PTPRM: variants seen among roughly 807,000 people sequenced by gnomAD.
PTPRM encodes the protein receptor-type tyrosine-protein phosphatase mu.
In PTPRM, 47 loss-of-function variants were observed where a neutral mutation model predicts 186.7. The ratio of observed to expected loss-of-function variants is 0.25; its 90% CI spans 0.20 to 0.32. The LOEUF (loss-of-function observed/expected upper bound fraction) is 0.32, where lower values mean the gene tolerates loss of function less well. PTPRM is among the 10% of genes least tolerant of loss of function. The probability of loss-of-function intolerance (pLI) is 1.00; values close to 1 mark genes in which losing one functional copy is unlikely to be tolerated. For missense variants in PTPRM, 1,494 were observed against 1,865.0 expected (o/e 0.80, Z 3.66); for synonymous variants, 668 against 674.9 (o/e 0.99, Z 0.16).
At chr18:8,299,650 T>C (rs2095134811) in intron 20 of PTPRM, among the ~76,000 whole-genome samples, 2 of 152,028 alleles carry the variant, frequency 1.3e-5, no homozygotes, top group East Asian at 3.9e-4. Flanking sequence ...GTAGTTACAG[T>C]CTAGTGCAGG....
At chr18:8,033,293 G>A (rs1804158743) in intron 7 of PTPRM, among the ~76,000 whole-genome samples, 1 of 151,562 alleles carries the variant, frequency 6.6e-6, no homozygotes, top group South Asian at 2.1e-4. Context: ...CCAGCTCTAA[G>A]CACAGATGTA....
intron 1 of PTPRM, among the ~76,000 whole-genome samples, chr18:7,591,956 C>CG (rs2037136986): frequency 6.6e-6 from 1 of 152,068 alleles, no homozygotes; most frequent in Non-Finnish European, 1.5e-5. Context: ...CTATGTGTCC[C>CG]GTTGCTTATT....
intron 11 of PTPRM, among the ~76,000 whole-genome samples, chr18:8,092,869 A>C (rs1053275643): frequency 3.9e-5 from 6 of 152,144 alleles, no homozygotes; most frequent in African/African-American, 1.4e-4. Context: ...ATGTGCCTGC[A>C]GTCCCAACCT....
chr18:8,354,888 C>T lies in PTPRM; in HGVS notation c.3054+11368C>T, dbSNP rs565787750. On this transcript the variant is annotated intron_variant, in intron 23 of 32. Coordinates refer to ENST00000580170, the MANE Select transcript of PTPRM (RefSeq NM_001105244.2). ...GTCACAGGAGAGAGATGAAGCAGCA[C>T]CTAGAAGGGAACAGGGTCTAGACAG... is the stretch of plus-strand genomic sequence containing the variant. Among the ~76,000 whole-genome samples, 3 of 152,220 alleles carry T rather than the reference C, an allele frequency of 2.0e-5. No homozygotes were observed. The South Asian group carries it at 6.2e-4, about 32-fold the overall frequency.
chr18:7,909,077 C>CTT (rs2050137651), intron 4 of PTPRM, among the ~76,000 whole-genome samples: 1 of 152,192 alleles, frequency 6.6e-6, no homozygotes, highest in African/African-American at 2.4e-5. Context: ...TTGCACATGG[C>CTT]TTTCTATTAC....
At chr18:8,054,391 A>G (rs887716049) in intron 7 of PTPRM, among the ~76,000 whole-genome samples, 2 of 147,080 alleles carry the variant, frequency 1.4e-5, no homozygotes, top group Non-Finnish European at 3.0e-5. Flanking sequence ...CTGTTTTTCT[A>G]CATTTCCCCT....
chr18:7,908,045 A>C (rs1384748426), intron 4 of PTPRM, among the ~76,000 whole-genome samples: 2 of 152,070 alleles, frequency 1.3e-5, no homozygotes, highest in Non-Finnish European at 2.9e-5. Context: ...AGCATTATGG[A>C]TGTGCCTACT....
chr18:8,085,852 A>C lies in PTPRM; in HGVS notation c.1733A>C (p.Gln578Pro), dbSNP rs1283842215. Reference sequence around the variant, plus strand: ...GGTTTTGGGCCTCCAGCAACAAACCAGTTCACCACCAAAATATCAGGTACT... The same window carrying C: ...GGTTTTGGGCCTCCAGCAACAAACCCGTTCACCACCAAAATATCAGGTACT... ...AKGFGPPATN[Q>P]FTTKISAPSM... The change falls in exon 10 of 33, where the codon CAG becomes CCG. Residue 578 changes from glutamine to proline, a missense_variant. By Grantham distance (76) the Gln-to-Pro change is moderately conservative. Around this residue, in one of 3 missense-constraint regions of PTPRM, gnomAD observed 1,107 missense variants for 1,350.2 expected, o/e 0.82. Transcript: ENST00000580170. The C allele has an allele frequency of 1.2e-6, 2 of 1,612,954 alleles. No homozygotes were observed. Among genetic ancestry groups the C allele is most frequent in the African/African-American group, 1.3e-5 (1 of 74,852 alleles).
At chr18:7,833,890 T>C (rs543135053) in intron 2 of PTPRM, among the ~76,000 whole-genome samples, 40 of 152,346 alleles carry the variant, frequency 2.6e-4, no homozygotes, top group African/African-American at 9.6e-4. Context: ...TTTCTAAATA[T>C]ATCTATCATC....
At chr18:8,233,684 A>G (rs1324243567) in intron 14 of PTPRM, among the ~76,000 whole-genome samples, 1 of 152,038 alleles carries the variant, frequency 6.6e-6, no homozygotes, top group Non-Finnish European at 1.5e-5. Flanking sequence ...TTTTTCATGG[A>G]TTATCCCTTT....
intron 20 of PTPRM, among the ~76,000 whole-genome samples, chr18:8,306,875 G>A (rs2095227592): frequency 1.3e-5 from 2 of 152,166 alleles, no homozygotes; most frequent in Admixed American, 1.3e-4. Flanking sequence ...AATTTGATAT[G>A]ATTTAGCCTC....
At chr18:7,950,320 C>T (rs919992574) in intron 6 of PTPRM, among the ~76,000 whole-genome samples, 18 of 152,162 alleles carry the variant, frequency 1.2e-4, no homozygotes, top group African/African-American at 4.1e-4. Context: ...GGGAGGATTA[C>T]CTGAGTCCAG....
At chr18:7,826,985 C>T (rs546688098) in intron 2 of PTPRM, among the ~76,000 whole-genome samples, 2 of 152,088 alleles carry the variant, frequency 1.3e-5, no homozygotes, top group Admixed American at 1.3e-4. Context: ...ACCTATAATC[C>T]CAGGTACTTG....
intron 4 of PTPRM, among the ~76,000 whole-genome samples, chr18:7,907,333 AG>A (rs1555640962): frequency 6.6e-6 from 1 of 152,182 alleles, no homozygotes; most frequent in Non-Finnish European, 1.5e-5. Flanking sequence ...GAAGCAGAAA[AG>A]GCATCCTGTT....
intron 2 of PTPRM, among the ~76,000 whole-genome samples, chr18:7,779,297 A>G (rs959954700): frequency 1.5e-4 from 23 of 152,218 alleles, no homozygotes; most frequent in Admixed American, 2.6e-4. Flanking sequence ...ATGGGACTAC[A>G]TAAAGCTCAT....
rs113860415 is a variant in PTPRM at position 7,988,233 on chromosome 18, C to A, written c.1132+32819C>A. On this transcript the variant is annotated intron_variant, in intron 7 of 32. Coordinates refer to ENST00000580170, the MANE Select transcript of PTPRM (RefSeq NM_001105244.2). ...GCTAGACCTTATCTCAAAAAAAAAC[C>A]AAACAAACAAAAAAGAAAATGCAAA... is the stretch of plus-strand genomic sequence containing the variant. Among the ~76,000 whole-genome samples the A allele has an allele frequency of 5.0e-3, 758 of 151,796 alleles. 7 individuals are homozygous for A. Among genetic ancestry groups the A allele is most frequent in the African/African-American group, 0.017 (719 of 41,422 alleles).
intron 2 of PTPRM, among the ~76,000 whole-genome samples, chr18:7,845,920 C>T (rs1599027664): frequency 6.6e-6 from 1 of 152,222 alleles, no homozygotes; most frequent in Non-Finnish European, 1.5e-5. Context: ...CCCCTCTGCC[C>T]AATCCTGTAA....
chr18:8,157,828 A>G (rs2093154014), intron 14 of PTPRM, among the ~76,000 whole-genome samples: 1 of 152,162 alleles, frequency 6.6e-6, no homozygotes, highest in Admixed American at 6.5e-5. Flanking sequence ...GGGTATTAAA[A>G]CCTTCCAGAC....
intron 28 of PTPRM, among the ~76,000 whole-genome samples, chr18:8,379,731 T>A (rs1444554177): frequency 6.6e-6 from 1 of 152,220 alleles, no homozygotes; most frequent in Non-Finnish European, 1.5e-5. Context: ...CATTACTTCC[T>A]GCCAGTCTGT....
Sources: allele counts gnomAD v4.1 joint callset (sites outside exome capture counted in the v4.1 genomes callset), GRCh38; gene constraint gnomAD v4.1.1; regional missense constraint gnomAD v4.1.1; transcripts MANE v1.5; gene names NCBI Gene and HGNC (gene_info 2026-07-23, HGNC 2026-07-21).